GLRB: variants seen among roughly 807,000 people sequenced by gnomAD.
The protein encoded by GLRB is glycine receptor beta.
Under a neutral mutation model 54.2 loss-of-function variants are expected in GLRB, and 33 were observed. The ratio of observed to expected loss-of-function variants is 0.61; its 90% CI spans 0.46 to 0.81. GLRB has a LOEUF of 0.81. Among genes scored for constraint, GLRB ranks in the 40% least tolerant of loss-of-function variants. GLRB has a pLI of 0.00. For synonymous variants in GLRB, 209 were observed against 208.2 expected (o/e 1.00, Z -0.03); for missense variants, 572 against 584.6 (o/e 0.98, Z 0.22).
At chr4:157,110,835 C>T (rs1250371428) in intron 2 of GLRB, among the ~76,000 whole-genome samples, 2 of 151,976 alleles carry the variant, frequency 1.3e-5, no homozygotes, top group Non-Finnish European at 2.9e-5. Context: ...TAGTCTAAAT[C>T]ACTGCCTTTT....
chr4:157,162,826 A>G (rs542166134), intron 9 of GLRB, among the ~76,000 whole-genome samples: 1 of 152,098 alleles, frequency 6.6e-6, no homozygotes, highest in African/African-American at 2.4e-5. Context: ...TCAGATCTCA[A>G]ACTCTGTGCT....
At chr4:157,118,812 C>A (rs1735698957) in intron 2 of GLRB, among the ~76,000 whole-genome samples, 1 of 151,482 alleles carries the variant, frequency 6.6e-6, no homozygotes, top group Non-Finnish European at 1.5e-5. Flanking sequence ...ATCTAAGTTT[C>A]CTTCATATAA....
chr4:157,138,135 G>A (rs1341074009), intron 6 of GLRB, among the ~76,000 whole-genome samples: 7 of 152,088 alleles, frequency 4.6e-5, no homozygotes, highest in Admixed American at 3.3e-4. Flanking sequence ...ACAGTGGTGC[G>A]ATCTCAGCTC....
At chr4:157,078,290 G>C in intron 2 of GLRB, 144 bp downstream of exon 2, 3 of 1,401,758 alleles carry the variant, frequency 2.1e-6, no homozygotes, top group African/African-American at 1.4e-5. Context: ...GAAAATGATA[G>C]GGTGAGGAGA....
chr4:157,167,907 T>A (rs1292464284), intron 9 of GLRB, among the ~76,000 whole-genome samples: 1 of 151,944 alleles, frequency 6.6e-6, no homozygotes, highest in African/African-American at 2.4e-5. Context: ...GGAGGGCAGG[T>A]GCTAGGCTCT....
chr4:157,162,250 T>G (rs1229361563), intron 9 of GLRB, among the ~76,000 whole-genome samples: 1 of 152,134 alleles, frequency 6.6e-6, no homozygotes, highest in Non-Finnish European at 1.5e-5. Flanking sequence ...TTTTCAAGGT[T>G]TTTAGTTTCT....
At chr4:157,163,853 T>TGTGTGTGTGTGTG (rs1560978896) in intron 9 of GLRB, among the ~76,000 whole-genome samples, 4 of 151,666 alleles carry the variant, frequency 2.6e-5, no homozygotes, top group South Asian at 2.1e-4. Flanking sequence ...TGTGTGTGTG[T>TGTGTGTGTGTGTG]TTTAATATAA....
At position 157,163,137 on chromosome 4, in the gene GLRB, C is replaced by T. The variant is rs143523331; in HGVS notation, c.1198-7295C>T. 6.0e-3 allele frequency among the ~76,000 whole-genome samples: 913 copies of T among 152,276 alleles called. 8 individuals carry two copies. The highest frequency in any genetic ancestry group is 0.017 in the African/African-American group (714 of 41,554). On this transcript the variant is annotated intron_variant, in intron 9 of 9. Coordinates refer to ENST00000264428, the MANE Select transcript of GLRB (RefSeq NM_000824.5). ...CGTGGGCATGGGACCCTCCGAGCCA[C>T]GCATGGGATATAATTTCCTGGTGTG...
chr4:157,146,750 C>G (rs748579903), intron 8 of GLRB, among the ~76,000 whole-genome samples: 4 of 151,802 alleles, frequency 2.6e-5, no homozygotes, highest in Admixed American at 6.6e-5. Context: ...GAACCTGGGT[C>G]TCAGAGGTTG....
chr4:157,164,219 A>T (rs1458231771), intron 9 of GLRB, among the ~76,000 whole-genome samples: 1 of 152,052 alleles, frequency 6.6e-6, no homozygotes, highest in Non-Finnish European at 1.5e-5. Context: ...GGGATTGCTT[A>T]AGGGCATGCT....
intron 4 of GLRB, among the ~76,000 whole-genome samples, chr4:157,125,217 A>G (rs2126540756): frequency 6.6e-6 from 1 of 152,022 alleles, no homozygotes; most frequent in Middle Eastern, 3.4e-3. Context: ...CTTCTTCAAA[A>G]CAAACAAAAA....
Position 157,078,135 on chromosome 4 carries a change from T to C in GLRB, c.111T>C (p.Tyr37=). 1.2e-6 allele frequency: 2 copies of C among 1,612,442 alleles called. No homozygotes were observed. The highest frequency in any genetic ancestry group is 1.1e-5 in the South Asian group (1 of 91,046). The change falls in exon 2 of 10, where the codon TAT becomes TAC. Residue 37 remains tyrosine (Y), a synonymous_variant. Transcript: ENST00000264428. ...AAGGGAAGGGGAAAAAGAAGCAGTA[T>C]CTATGCCCATCGTATGTTCTTCATG... ...SKKGKGKKKQ[Y]LCPSQQSAED...
chr4:157,107,589 G>T (rs185580558), intron 2 of GLRB, among the ~76,000 whole-genome samples: 3 of 152,032 alleles, frequency 2.0e-5, no homozygotes, highest in Admixed American at 2.0e-4. Flanking sequence ...TTCTATGAAG[G>T]CTAAGAGAAG....
chr4:157,094,479 C>T (rs1049125952), intron 2 of GLRB, among the ~76,000 whole-genome samples: 2 of 152,078 alleles, frequency 1.3e-5, no homozygotes, highest in African/African-American at 4.8e-5. Context: ...TCCAAATACA[C>T]CTATACACAC....
chr4:157,160,117 G>A (rs956032106), intron 9 of GLRB, among the ~76,000 whole-genome samples: 3 of 152,122 alleles, frequency 2.0e-5, no homozygotes, highest in African/African-American at 7.2e-5. Flanking sequence ...TAGTTTATTT[G>A]TGTAGAGGTG....
intron 2 of GLRB, among the ~76,000 whole-genome samples, chr4:157,103,725 G>A (rs765884964): frequency 6.6e-6 from 1 of 152,002 alleles, no homozygotes; most frequent in Non-Finnish European, 1.5e-5. Flanking sequence ...TTTCATTGGT[G>A]TTTTATAGTT....
At chr4:157,098,738 T>C (rs1404276003) in intron 2 of GLRB, among the ~76,000 whole-genome samples, 1 of 152,182 alleles carries the variant, frequency 6.6e-6, no homozygotes, top group South Asian at 2.1e-4. Flanking sequence ...CCCAAGCAGC[T>C]GGGATTACAG....
chr4:157,151,621 A>C (rs1399563038), intron 8 of GLRB, among the ~76,000 whole-genome samples: 4 of 152,100 alleles, frequency 2.6e-5, no homozygotes, highest in African/African-American at 9.7e-5. Context: ...GAATGCAAAA[A>C]ACACTTTTCA....
rs185006001 is a variant in GLRB at position 157,137,772 on chromosome 4, T to C, written c.610+886T>C. ...TCTGTTTATGTTTTTGTATGTATTG[T>C]ATATGAGTGCCTGCATGTCAAGATG... is the stretch of plus-strand genomic sequence containing the variant. On this transcript the variant is annotated intron_variant, in intron 6 of 9. Transcript: ENST00000264428. Among the ~76,000 whole-genome samples the C allele has an allele frequency of 5.3e-5, 8 of 152,338 alleles. No homozygotes were observed. In the East Asian group the frequency reaches 1.5e-3, roughly 29 times the overall value.
Sources: gnomAD v4.1 joint callset for allele counts (sites outside exome capture counted in the v4.1 genomes callset) on GRCh38, gnomAD v4.1.1 for gene constraint, MANE v1.5 for transcripts, NCBI Gene and HGNC (gene_info 2026-07-23, HGNC 2026-07-21) for gene names.